FAAH2: variants seen among roughly 807,000 people sequenced by gnomAD.
FAAH2 encodes fatty-acid amide hydrolase 2.
A neutral mutation model predicts 36.9 loss-of-function variants in FAAH2; 60 were observed. That is an observed-to-expected ratio of 1.63 (90% CI 1.32 to 2.02). The LOEUF is 2.02. Among genes scored for constraint, FAAH2 ranks in the 30% most tolerant of loss-of-function variants. The pLI, the probability that FAAH2 is intolerant of heterozygous loss-of-function variation, is 0.00. For synonymous variants in FAAH2, 214 were observed against 143.8 expected, an observed-to-expected ratio of 1.49 and a Z score of -3.49; for missense variants, 689 against 397.5, an observed-to-expected ratio of 1.73 and a Z score of -6.23.
upstream of FAAH2, among the ~76,000 whole-genome samples, chrX:57,286,308 C>T (rs143962333): frequency 2.4e-3 from 272 of 112,068 alleles, 2 homozygotes; most frequent in African/African-American, 8.5e-3. Flanking sequence ...TGAATATTTG[C>T]ATACAAAGGT....
chrX:57,482,152 A>T (rs1461094721), intron 10 of FAAH2, among the ~76,000 whole-genome samples: 1 of 111,723 alleles, frequency 9.0e-6, no homozygotes, highest in Non-Finnish European at 1.9e-5. Flanking sequence ...ATTTCAAGCC[A>T]GTGGTTCTTA....
At position 57,344,363 on chromosome X, in the gene FAAH2, G is replaced by A. The variant is rs150379732; in HGVS notation, c.742+2973G>A. ...TTTCTAGATATTGTAGTTTTGGTGT[G>A]GCTATTGTAAATGGGATTGCATTTT... On this transcript the variant is annotated intron_variant, in intron 5 of 10. Coordinates refer to ENST00000374900, the MANE Select transcript of FAAH2 (RefSeq NM_174912.4). Among the ~76,000 whole-genome samples the A allele has an allele frequency of 3.8e-3, 420 of 110,703 alleles. 2 individuals carry two copies. Among genetic ancestry groups the A allele is most frequent in the African/African-American group, 0.013 (405 of 30,547 alleles).
chrX:57,160,554 C>T, the FAAH2 span, among the ~76,000 whole-genome samples: 2 of 111,972 alleles, frequency 1.8e-5, no homozygotes, highest in Admixed American at 9.5e-5. Context: ...CAACTTCTTC[C>T]TGGTTTAGTC....
chrX:57,478,227 C>T (rs1297912792), intron 10 of FAAH2, among the ~76,000 whole-genome samples: 2 of 111,921 alleles, frequency 1.8e-5, no homozygotes, highest in African/African-American at 6.5e-5. Context: ...ATATGCATTT[C>T]TCTGATGGCC....
chrX:57,184,398 T>C, the FAAH2 span, among the ~76,000 whole-genome samples: 7 of 112,150 alleles, frequency 6.2e-5, no homozygotes, highest in Non-Finnish European at 1.3e-4. Flanking sequence ...GTCCTACCGA[T>C]ATGTATTGTC....
chrX:57,161,369 A>T, the FAAH2 span, among the ~76,000 whole-genome samples: 1 of 111,465 alleles, frequency 9.0e-6, no homozygotes, highest in Non-Finnish European at 1.9e-5. Context: ...GTAGATGTCT[A>T]TTAGGTCCGC....
chrX:57,337,567 T>C (rs910623247), intron 4 of FAAH2, among the ~76,000 whole-genome samples: 3 of 111,936 alleles, frequency 2.7e-5, no homozygotes, highest in African/African-American at 9.7e-5. Context: ...CATGAACAAA[T>C]TGGTTTCATC....
chrX:57,278,481 G>C, the FAAH2 span, among the ~76,000 whole-genome samples: 2 of 111,170 alleles, frequency 1.8e-5, no homozygotes, highest in African/African-American at 6.5e-5. Context: ...AACCCTAGAA[G>C]AAAAAACCTA....
At chrX:57,321,061 A>C (rs1250116791) in intron 3 of FAAH2, among the ~76,000 whole-genome samples, 1 of 110,171 alleles carries the variant, frequency 9.1e-6, no homozygotes, top group Non-Finnish European at 1.9e-5. Flanking sequence ...AATGGCGTGA[A>C]TCTAGGAGGC....
At chrX:57,251,206 C>A in the FAAH2 span, among the ~76,000 whole-genome samples, 2 of 112,038 alleles carry the variant, frequency 1.8e-5, no homozygotes, top group East Asian at 5.6e-4. Context: ...ATATGCAAAA[C>A]AAATAAATGT....
intron 2 of FAAH2, among the ~76,000 whole-genome samples, chrX:57,310,130 G>A (rs1320806862): frequency 8.9e-6 from 1 of 111,917 alleles, no homozygotes; most frequent in African/African-American, 3.2e-5. Context: ...TCTGACTGGT[G>A]AGAGATGGTA....
the FAAH2 span, among the ~76,000 whole-genome samples, chrX:57,194,760 CAA>C: frequency 9.0e-6 from 1 of 110,647 alleles, no homozygotes; most frequent in East Asian, 2.8e-4. Context: ...ACTCAGTACC[CAA>C]AGTCTATTGT....
chrX:57,334,835 G>T (rs2053503226), intron 4 of FAAH2, among the ~76,000 whole-genome samples: 1 of 111,300 alleles, frequency 9.0e-6, no homozygotes, highest in Non-Finnish European at 1.9e-5. Context: ...TGCATTAAGT[G>T]GCAAGAGAGG....
the FAAH2 span, chrX:57,137,049 T>C: frequency 7.3e-6 from 6 of 817,741 alleles, no homozygotes; most frequent in Non-Finnish European, 8.9e-6. Flanking sequence ...GGCGCTCACC[T>C]TCAAATCCTT....
chrX:57,158,283 A>G, the FAAH2 span, among the ~76,000 whole-genome samples: 2 of 112,021 alleles, frequency 1.8e-5, no homozygotes, highest in South Asian at 3.7e-4. Context: ...AGTCTTCGCT[A>G]TTGTGAATAG....
At chrX:57,171,612 G>T in the FAAH2 span, among the ~76,000 whole-genome samples, 503 of 111,084 alleles carry the variant, frequency 4.5e-3, 2 homozygotes, top group Non-Finnish European at 7.9e-3. Context: ...GAATTACTTG[G>T]TTTTTTTATT....
rs2051816425 is a variant in FAAH2, at chrX:57,286,750, C to T, written c.-76C>T. The T allele has an allele frequency of 2.1e-6, 2 of 955,524 alleles. No individual in the cohort carries two copies. Among genetic ancestry groups the T allele is most frequent in the South Asian group, 3.7e-5 (1 of 27,316 alleles). 78.7% of individuals were successfully genotyped at this position (955,524 alleles called of 1,213,427 possible). A position where few individuals can be genotyped will look rare whatever the true frequency, so the allele number is the denominator to read the frequency against. On this transcript the variant is annotated 5_prime_UTR_variant, in exon 1 of 11. Coordinates refer to ENST00000374900, the MANE Select transcript of FAAH2 (RefSeq NM_174912.4). ...GAAAAGCTTCATAAGTCCCTCTTTG[C>T]TTAGTACTTTTCTCGTCCTTTCCCC...
intron 3 of FAAH2, among the ~76,000 whole-genome samples, chrX:57,318,495 G>T (rs1299577770): frequency 9.0e-6 from 1 of 111,168 alleles, no homozygotes; most frequent in Non-Finnish European, 1.9e-5. Context: ...ACCTGAATAG[G>T]CCAAGAATAA....
At chrX:57,216,532 A>ATATATACGTATATG in the FAAH2 span, among the ~76,000 whole-genome samples, 4 of 67,923 alleles carry the variant, frequency 5.9e-5, no homozygotes, top group African/African-American at 2.3e-4. Context: ...ATATGTATAT[A>ATATATACGTATATG]TATATATATA....
Sources: gnomAD v4.1 joint callset for allele counts (sites outside exome capture counted in the v4.1 genomes callset) on GRCh38, gnomAD v4.1.1 for gene constraint, MANE v1.5 for transcripts, NCBI Gene and HGNC (gene_info 2026-07-23, HGNC 2026-07-21) for gene names.